RARB: variants seen among roughly 807,000 people sequenced by gnomAD.
RARB encodes HBV-activated protein.
RARB carries 17 observed loss-of-function variants against 51.9 expected under a neutral mutation model. That is an observed-to-expected ratio of 0.33 (90% CI 0.22 to 0.49). RARB has a LOEUF of 0.49. RARB is among the 20% of genes least tolerant of loss of function. RARB has a pLI of 0.99. For missense variants in RARB, 369 were observed against 550.8 expected (o/e 0.67, Z 3.30); for synonymous variants, 215 against 195.4 (o/e 1.10, Z -0.84).
intron 2 of RARB, among the ~76,000 whole-genome samples, chr3:24,933,716 T>C (rs12330318): frequency 4.6e-5 from 7 of 151,912 alleles, no homozygotes; most frequent in Admixed American, 3.3e-4. Flanking sequence ...TTTAACAATT[T>C]TTAAAGCAAT....
chr3:24,970,866 G>C (rs11707375), intron 2 of RARB, among the ~76,000 whole-genome samples: 30,346 of 151,844 alleles, frequency 0.2, 3,608 homozygotes, highest in East Asian at 0.3. Flanking sequence ...TAAGGAGCTT[G>C]TGGACATTCA....
At chr3:25,057,409 C>G (rs1197632127) in intron 2 of RARB, among the ~76,000 whole-genome samples, 1 of 151,910 alleles carries the variant, frequency 6.6e-6, no homozygotes, top group Non-Finnish European at 1.5e-5. Context: ...ACTTAAAATT[C>G]AAAACAAAAT....
At chr3:25,030,617 T>C (rs969472008) in intron 2 of RARB, among the ~76,000 whole-genome samples, 3 of 152,224 alleles carry the variant, frequency 2.0e-5, no homozygotes, top group African/African-American at 7.2e-5. Flanking sequence ...TCTAGAAAAG[T>C]TCAGCTTTTT....
chr3:25,437,998 T>C (rs1375894053), intron 1 of RARB, among the ~76,000 whole-genome samples: 1 of 152,254 alleles, frequency 6.6e-6, no homozygotes, highest in Non-Finnish European at 1.5e-5. Flanking sequence ...CATTATTCTG[T>C]GGATGGGCTG....
intron 2 of RARB, among the ~76,000 whole-genome samples, chr3:24,941,629 A>G (rs1276455481): frequency 6.6e-6 from 1 of 152,048 alleles, no homozygotes; most frequent in African/African-American, 2.4e-5. Context: ...CAGCCTCCCA[A>G]AGTTGCTGGG....
At chr3:25,448,103 T>G (rs1012053927) in intron 1 of RARB, among the ~76,000 whole-genome samples, 2 of 151,922 alleles carry the variant, frequency 1.3e-5, no homozygotes, top group African/African-American at 4.8e-5. Context: ...TAAGTAACTT[T>G]CCAAAAGTCA....
At chr3:24,860,077 A>T (rs1343110278) in intron 2 of RARB, among the ~76,000 whole-genome samples, 1 of 152,266 alleles carries the variant, frequency 6.6e-6, no homozygotes, top group South Asian at 2.1e-4. Flanking sequence ...TTGGTTTGTG[A>T]TGCTGCCAGG....
At chr3:25,501,030 A>T (rs946181177) in intron 2 of RARB, 152 bp from the exon 3 acceptor site, 1 of 848,230 alleles carries the variant, frequency 1.2e-6, no homozygotes, top group Non-Finnish European at 1.7e-6. Context: ...TTGATATCTC[A>T]CGAGGATTTT....
chr3:25,209,794 C>G (rs1701646848), intron 5 of RARB, among the ~76,000 whole-genome samples: 1 of 152,184 alleles, frequency 6.6e-6, no homozygotes, highest in South Asian at 2.1e-4. Context: ...ACAACTTCTT[C>G]CCTTAGGTTG....
At chr3:25,086,099 T>A (rs982875307) in intron 3 of RARB, among the ~76,000 whole-genome samples, 19 of 152,174 alleles carry the variant, frequency 1.2e-4, no homozygotes, top group African/African-American at 4.6e-4. Context: ...TAGTGACAGA[T>A]AACATAATGG....
intron 2 of RARB, among the ~76,000 whole-genome samples, chr3:24,891,653 A>C (rs1457509799): frequency 6.6e-6 from 1 of 152,108 alleles, no homozygotes; most frequent in Non-Finnish European, 1.5e-5. Flanking sequence ...GATAGTGTGG[A>C]GTGTGTGGGG....
intron 5 of RARB, among the ~76,000 whole-genome samples, chr3:25,355,692 A>T (rs1299706590): frequency 1.3e-5 from 2 of 152,174 alleles, no homozygotes; most frequent in Non-Finnish European, 2.9e-5. Flanking sequence ...GTGTTATCAG[A>T]CTGAAAGCAA....
intron 5 of RARB, among the ~76,000 whole-genome samples, chr3:25,339,840 T>G (rs1047314967): frequency 6.6e-6 from 1 of 152,162 alleles, no homozygotes; most frequent in African/African-American, 2.4e-5. Flanking sequence ...CTATTCATTT[T>G]CTGGGAAAAG....
intron 2 of RARB, among the ~76,000 whole-genome samples, chr3:25,012,789 T>G (rs148813913): frequency 1.7e-3 from 265 of 152,170 alleles, no homozygotes; most frequent in African/African-American, 6.2e-3. Context: ...TAAAATGAAA[T>G]AATTTGATTA....
At chr3:25,429,104 G>A (rs1378555473) in intron 1 of RARB, among the ~76,000 whole-genome samples, 1 of 152,184 alleles carries the variant, frequency 6.6e-6, no homozygotes, top group South Asian at 2.1e-4. Context: ...CCGCCCCCAT[G>A]CTCCTCTCCT....
chr3:24,961,005 C>T (rs1696128753), intron 2 of RARB, among the ~76,000 whole-genome samples: 1 of 152,062 alleles, frequency 6.6e-6, no homozygotes, highest in Admixed American at 6.6e-5. Context: ...ATTAACCTCT[C>T]AAGTCTATTT....
chr3:24,832,934 T>G (rs1357969906), intron 1 of RARB, among the ~76,000 whole-genome samples: 2 of 152,130 alleles, frequency 1.3e-5, no homozygotes, highest in Non-Finnish European at 2.9e-5. Context: ...CTTCTATGTT[T>G]AAAACAAACT....
chr3:25,497,177 G>A (rs554080990), intron 2 of RARB, among the ~76,000 whole-genome samples: 3 of 152,284 alleles, frequency 2.0e-5, no homozygotes, highest in East Asian at 1.9e-4. Flanking sequence ...GAGCCACCGC[G>A]CCTGGCCGAA....
chr3:25,180,336 T>C (rs910423077), intron 5 of RARB, among the ~76,000 whole-genome samples: 8 of 152,192 alleles, frequency 5.3e-5, no homozygotes, highest in Non-Finnish European at 8.8e-5. Flanking sequence ...ATGTAGACGT[T>C]TAAAAAGAGC....
Sources: gnomAD v4.1 joint callset for allele counts (sites outside exome capture counted in the v4.1 genomes callset) on GRCh38, gnomAD v4.1.1 for gene constraint, MANE v1.5 for transcripts, NCBI Gene and HGNC (gene_info 2026-07-23, HGNC 2026-07-21) for gene names.